The following CAST variants were observed in gnomAD, a reference collection of about 807,000 sequenced individuals.
CAST encodes MIR583 host.
A neutral mutation model predicts 119.6 loss-of-function variants in CAST; 76 were observed. The ratio of observed to expected loss-of-function variants is 0.64; its 90% CI spans 0.53 to 0.77. CAST has a LOEUF of 0.77. CAST is among the 30% of genes least tolerant of loss of function. CAST has a pLI of 0.00. For synonymous variants in CAST, 319 were observed against 331.6 expected (o/e 0.96, Z 0.41); for missense variants, 953 against 946.5 (o/e 1.01, Z -0.09).
the CAST span, among the ~76,000 whole-genome samples, chr5:96,228,393 G>T: frequency 6.6e-6 from 1 of 152,150 alleles, no homozygotes; most frequent in African/African-American, 2.4e-5. Context: ...CTGTAGCATA[G>T]TCTCAGTTGG....
the CAST span, among the ~76,000 whole-genome samples, chr5:96,197,338 C>T: frequency 6.6e-5 from 10 of 152,230 alleles, no homozygotes; most frequent in African/African-American, 2.2e-4. Flanking sequence ...CCCTACTCAG[C>T]TGTCTACTCT....
chr5:95,976,568 G>C, the CAST span, among the ~76,000 whole-genome samples: 1 of 152,068 alleles, frequency 6.6e-6, no homozygotes, highest in Non-Finnish European at 1.5e-5. Context: ...GATATGGAAA[G>C]TACTTTAAAG....
intron 1 of CAST, among the ~76,000 whole-genome samples, chr5:96,599,740 A>G (rs1747112145): frequency 1.3e-5 from 2 of 152,068 alleles, no homozygotes; most frequent in African/African-American, 4.8e-5. Flanking sequence ...TCTGTGCCAC[A>G]CACTTGGGGC....
At chr5:96,512,080 T>C in the CAST span, among the ~76,000 whole-genome samples, 1 of 152,254 alleles carries the variant, frequency 6.6e-6, no homozygotes, top group African/African-American at 2.4e-5. Flanking sequence ...TGCAGTTGTA[T>C]CTCTAGCACT....
At chr5:96,342,890 C>T in the CAST span, among the ~76,000 whole-genome samples, 1 of 152,052 alleles carries the variant, frequency 6.6e-6, no homozygotes, top group African/African-American at 2.4e-5. Context: ...TTTTTGGTAC[C>T]GCATAAGTTG....
At chr5:96,481,505 C>T in the CAST span, among the ~76,000 whole-genome samples, 2 of 152,146 alleles carry the variant, frequency 1.3e-5, no homozygotes, top group Non-Finnish European at 2.9e-5. Context: ...CAATAAGAAA[C>T]AGATGTATCC....
chr5:96,152,453 G>C, the CAST span, among the ~76,000 whole-genome samples: 6 of 152,134 alleles, frequency 3.9e-5, no homozygotes, highest in African/African-American at 1.2e-4. Flanking sequence ...CTGGGCAGAG[G>C]GCAATGCACC....
chr5:96,447,632 C>T, the CAST span, among the ~76,000 whole-genome samples: 3 of 152,136 alleles, frequency 2.0e-5, no homozygotes, highest in Non-Finnish European at 4.4e-5. Flanking sequence ...ACTGGGTTTA[C>T]TTGGGAACAC....
chr5:96,432,118 C>T, the CAST span: 4 of 1,535,766 alleles, frequency 2.6e-6, no homozygotes, highest in African/African-American at 2.7e-5. Flanking sequence ...GATCCCTTCC[C>T]CATAGTCAGT....
chr5:96,729,141 T>C lies in CAST; in HGVS notation c.379-12T>C. On this transcript the variant is annotated splice_polypyrimidine_tract_variant and intron_variant, in intron 6 of 31. Transcript: ENST00000675179. ...TCCAGTGTAATCAAGTTTAATCTTT[T>C]GAAATTGACAGCTGTCTGTGGTTCA... 8 of 1,549,858 alleles carry C rather than the reference T, an allele frequency of 5.2e-6. No homozygotes were observed. Among genetic ancestry groups the C allele is most frequent in the Non-Finnish European group, 6.2e-6 (7 of 1,126,812 alleles).
chr5:96,046,099 A>G, the CAST span, among the ~76,000 whole-genome samples: 1 of 152,160 alleles, frequency 6.6e-6, no homozygotes, highest in Admixed American at 6.6e-5. Flanking sequence ...TAGTAAGTTC[A>G]GGAAGTGGCT....
the CAST span, among the ~76,000 whole-genome samples, chr5:96,332,606 T>G: frequency 1.3e-5 from 2 of 152,108 alleles, no homozygotes; most frequent in Non-Finnish European, 2.9e-5. Context: ...GAGATGTGAG[T>G]CCAAACTTGA....
the CAST span, among the ~76,000 whole-genome samples, chr5:96,220,770 G>A: frequency 6.6e-6 from 1 of 152,194 alleles, no homozygotes; most frequent in African/African-American, 2.4e-5. Flanking sequence ...TGGCTATTTA[G>A]TGAGACTACC....
At chr5:96,506,600 A>C in the CAST span, among the ~76,000 whole-genome samples, 114 of 152,282 alleles carry the variant, frequency 7.5e-4, 3 homozygotes, top group African/African-American at 2.5e-3. Flanking sequence ...GGGGAGAGGA[A>C]GGGAAAGAGC....
the CAST span, among the ~76,000 whole-genome samples, chr5:95,976,413 C>T: frequency 1.3e-5 from 2 of 151,828 alleles, no homozygotes; most frequent in African/African-American, 2.4e-5. Flanking sequence ...CTGCAGTTTG[C>T]GGAATTATAA....
At chr5:96,101,682 G>A in the CAST span, among the ~76,000 whole-genome samples, 1 of 152,158 alleles carries the variant, frequency 6.6e-6, no homozygotes, top group African/African-American at 2.4e-5. Context: ...CAGGCATGGT[G>A]GCTCATGCCT....
At chr5:96,750,487 C>T in intron 19 of CAST, 100 bp from the exon 20 acceptor site, 1 of 670,598 alleles carries the variant, frequency 1.5e-6, no homozygotes, top group Non-Finnish European at 2.7e-6. Flanking sequence ...ATCATGTTCA[C>T]ACCATATAAT....
chr5:96,450,624 A>G, the CAST span, among the ~76,000 whole-genome samples: 3 of 152,338 alleles, frequency 2.0e-5, no homozygotes, highest in African/African-American at 7.2e-5. Context: ...TAATTAAGGG[A>G]TAGGCTAGAT....
chr5:96,081,538 G>A, the CAST span, among the ~76,000 whole-genome samples: 267 of 152,328 alleles, frequency 1.8e-3, 1 homozygote, highest in African/African-American at 6.1e-3. Flanking sequence ...AAAGGGGCAA[G>A]GGAGTTTGTT....
Sources: allele counts gnomAD v4.1 joint callset (sites outside exome capture counted in the v4.1 genomes callset), GRCh38; gene constraint gnomAD v4.1.1; transcripts MANE v1.5; gene names NCBI Gene and HGNC (gene_info 2026-07-23, HGNC 2026-07-21).